Variants in MRPS21 observed in about 807,000 individuals in gnomAD.
MRPS21 encodes mitochondrial ribosomal protein S21, also known as small ribosomal subunit protein bS21m.
Under a neutral mutation model 9.9 loss-of-function variants are expected in MRPS21, and 8 were observed. The ratio of observed to expected loss-of-function variants is 0.81; its 90% CI spans 0.47 to 1.45. MRPS21 has a LOEUF of 1.45. Among genes scored for constraint, MRPS21 ranks in the 40% most tolerant of loss-of-function variants. The pLI is 0.00. For synonymous variants in MRPS21, 40 were observed against 40.3 expected (o/e 0.99, Z 0.03); for missense variants, 101 against 118.9 (o/e 0.85, Z 0.70).
intron 2 of MRPS21, among the ~76,000 whole-genome samples, chr1:150,296,859 C>G (rs1216458405): frequency 1.3e-5 from 2 of 151,832 alleles, no homozygotes; most frequent in African/African-American, 4.8e-5. Flanking sequence ...AAAAAAAAAC[C>G]AGAATCCTCA....
chr1:150,307,353 T>TTTTTC lies in MRPS21; in HGVS notation c.84-691_84-690insCTTTT, dbSNP rs1654378114. Among the ~76,000 whole-genome samples, 60 of 24,126 alleles carry TTTTTC rather than the reference T, an allele frequency of 2.5e-3. No individual in the cohort carries two copies. In the African/African-American group the frequency reaches 0.03, roughly 12 times the overall value. The allele number at this position is 24,126 out of a possible 152,430, so 15.8% of individuals were successfully genotyped here. On this transcript the variant is annotated intron_variant, in intron 2 of 2. Coordinates refer to ENST00000614145, the MANE Select transcript of MRPS21 (RefSeq NM_031901.6). ...ATGAGTCACTGTGCCCAGTCCTTTTTTTTTTTTTTTTTTTTTTCCTTTGAG... is the reference window on the plus strand; with the variant it reads ...ATGAGTCACTGTGCCCAGTCCTTTTTTTTTCTTTTTTTTTTTTTTTTTCCTTTGAG...
intron 2 of MRPS21, among the ~76,000 whole-genome samples, chr1:150,305,597 TTTTG>T (rs1654300219): frequency 6.6e-6 from 1 of 151,914 alleles, no homozygotes; most frequent in Non-Finnish European, 1.5e-5. Context: ...AGGGCACGTG[TTTTG>T]TTTTTGTTTT....
chr1:150,304,714 C>A, intron 2 of MRPS21: 1 of 187,068 alleles, frequency 5.3e-6, no homozygotes, highest in Non-Finnish European at 1.1e-5. Context: ...GAGATCGTGC[C>A]ACTGCAACTC....
chr1:150,299,793 G>A (rs879965331), intron 2 of MRPS21, among the ~76,000 whole-genome samples: 10 of 152,080 alleles, frequency 6.6e-5, no homozygotes, highest in Admixed American at 4.6e-4. Flanking sequence ...GTTGGTGACT[G>A]GCATTTTACA....
chr1:150,301,025 C>G (rs1654097813), intron 2 of MRPS21, among the ~76,000 whole-genome samples: 1 of 150,524 alleles, frequency 6.6e-6, no homozygotes, highest in Admixed American at 6.6e-5. Flanking sequence ...TGATGAAACC[C>G]TGTCTCTACT....
intron 2 of MRPS21, chr1:150,305,026 C>T (rs587739316): frequency 6.1e-5 from 24 of 395,336 alleles, no homozygotes; most frequent in African/African-American, 2.4e-4. Flanking sequence ...GCAACAAGTG[C>T]GCAACTCCGT....
intron 2 of MRPS21, among the ~76,000 whole-genome samples, chr1:150,303,452 C>T (rs1339870132): frequency 1.3e-5 from 2 of 152,310 alleles, no homozygotes; most frequent in Non-Finnish European, 2.9e-5. Context: ...CCCTTATCGG[C>T]TTCCATTTCC....
chr1:150,302,995 C>G (rs1306172687), intron 2 of MRPS21, among the ~76,000 whole-genome samples: 1 of 152,124 alleles, frequency 6.6e-6, no homozygotes, highest in Non-Finnish European at 1.5e-5. Flanking sequence ...TTTCTTTTCC[C>G]TTCACCATTC....
In MRPS21 at chr1:150,300,142, AG is replaced by A. The variant is rs587710807; in HGVS notation, c.83+5694del. 1.6e-4 allele frequency among the ~76,000 whole-genome samples: 24 copies of A among 152,266 alleles called. No individual in the cohort carries two copies. The East Asian group carries it at 4.4e-3, about 28-fold the overall frequency. The stretch of plus-strand genomic sequence containing the variant: ...CGGATCATTTGAGGTTAGGAGTTCA[AG>A]ACCAGCCTGGCCAACATGGTAAAAC... On this transcript the variant is annotated intron_variant, in intron 2 of 2. Coordinates refer to ENST00000614145, the MANE Select transcript of MRPS21 (RefSeq NM_031901.6).
intron 2 of MRPS21, among the ~76,000 whole-genome samples, chr1:150,303,494 T>A (rs1654218525): frequency 6.6e-6 from 1 of 152,208 alleles, no homozygotes. Context: ...CTAGCCCAGC[T>A]CTTCACTCCC....
chr1:150,296,780 G>T (rs1653928199), intron 2 of MRPS21, among the ~76,000 whole-genome samples: 1 of 152,128 alleles, frequency 6.6e-6, no homozygotes, highest in Admixed American at 6.6e-5. Context: ...ACTAGAAATG[G>T]AAAGACTTAT....
chr1:150,294,032 A>G (rs1282354868), intron 1 of MRPS21, 134 bp downstream of exon 1: 3 of 293,360 alleles, frequency 1.0e-5, no homozygotes, highest in South Asian at 3.3e-5. Flanking sequence ...TTTTGGAACT[A>G]TGTGTGGTGG....
intron 2 of MRPS21, among the ~76,000 whole-genome samples, chr1:150,298,010 C>T (rs1426663701): frequency 3.9e-5 from 6 of 151,960 alleles, no homozygotes; most frequent in Admixed American, 3.9e-4. Flanking sequence ...CTCGGCTCAC[C>T]GCAACCTCTG....
chr1:150,307,565 C>G (rs1205911943), intron 2 of MRPS21, among the ~76,000 whole-genome samples: 2 of 151,596 alleles, frequency 1.3e-5, no homozygotes, highest in African/African-American at 4.8e-5. Flanking sequence ...GCCGTGTTGC[C>G]CATGCTGAAC....
In MRPS21 at chr1:150,294,456, G is replaced by C. The variant is rs1653840662; in HGVS notation, c.83+7G>C. The C allele has an allele frequency of 4.4e-6, 7 of 1,605,516 alleles. No individual in the cohort carries two copies. Among genetic ancestry groups the C allele is most frequent in the Non-Finnish European group, 6.0e-6 (7 of 1,172,340 alleles). On this transcript the variant is annotated splice_region_variant and intron_variant, in intron 2 of 2. Transcript: ENST00000614145. ...CATACAGGACCCTAAACAGGTAACTGTTAAGGGACCAGAATCATGCCTAGA... is the reference window on the plus strand; with the variant it reads ...CATACAGGACCCTAAACAGGTAACTCTTAAGGGACCAGAATCATGCCTAGA...
chr1:150,294,510 T>C, intron 2 of MRPS21, 61 bp downstream of exon 2: 2 of 1,359,344 alleles, frequency 1.5e-6, no homozygotes, highest in Non-Finnish European at 2.1e-6. Flanking sequence ...GGTTATTCTC[T>C]CCCTTCCCCT....
Position 150,308,041 on chromosome 1 carries a change from T to TGCCTC in MRPS21, c.84-7_84-6insGCCTC. The TGCCTC allele has an allele frequency of 6.4e-7, 1 of 1,571,972 alleles. No individual in the cohort carries two copies. Among genetic ancestry groups the TGCCTC allele is most frequent in the African/African-American group, 1.3e-5 (1 of 74,318 alleles). ...AATGTCTAACCTCATTGCTTGCCTT[T>TGCCTC]ATACAGAATCCTCACTATGGATGGG... On this transcript the variant is annotated splice_region_variant and splice_polypyrimidine_tract_variant and intron_variant, in intron 2 of 2. Coordinates refer to ENST00000614145, the MANE Select transcript of MRPS21 (RefSeq NM_031901.6).
chr1:150,297,215 C>T (rs1030663493), intron 2 of MRPS21, among the ~76,000 whole-genome samples: 20 of 150,874 alleles, frequency 1.3e-4, no homozygotes, highest in African/African-American at 4.4e-4. Flanking sequence ...CGCTTGAACC[C>T]GGGAGGAGGA....
intron 2 of MRPS21, among the ~76,000 whole-genome samples, chr1:150,304,466 G>A (rs1560066091): frequency 6.6e-6 from 1 of 151,602 alleles, no homozygotes; most frequent in Non-Finnish European, 1.5e-5. Context: ...CTTTGAAATA[G>A]GGTTTCACAG....
Sources: gnomAD v4.1 joint callset for allele counts (sites outside exome capture counted in the v4.1 genomes callset) on GRCh38, gnomAD v4.1.1 for gene constraint, MANE v1.5 for transcripts, NCBI Gene and HGNC (gene_info 2026-07-23, HGNC 2026-07-21) for gene names.